FAT3: variants seen among roughly 807,000 people sequenced by gnomAD.
The protein encoded by FAT3 is protocadherin Fat 3.
In FAT3, 95 loss-of-function variants were observed where a neutral mutation model predicts 310.2. That is an observed-to-expected ratio of 0.31 (90% CI 0.26 to 0.36). The LOEUF is 0.36. Ranked by LOEUF, FAT3 falls within the 10% of genes least tolerant of loss-of-function variation. The pLI, the probability that FAT3 is intolerant of heterozygous loss-of-function variation, is 1.00. For missense variants in FAT3, 5,408 were observed against 5,715.6 expected, an observed-to-expected ratio of 0.95 and a Z score of 1.74; for synonymous variants, 2,314 against 2,192.9, an observed-to-expected ratio of 1.06 and a Z score of -1.54.
intron 7 of FAT3, among the ~76,000 whole-genome samples, chr11:92,776,581 T>C (rs577900245): frequency 7.5e-4 from 114 of 152,330 alleles, no homozygotes; most frequent in Non-Finnish European, 1.5e-3. Context: ...ACTTTGAATG[T>C]ACACACTCTT....
At chr11:92,287,042 A>C (rs750572638) in intron 1 of FAT3, among the ~76,000 whole-genome samples, 11 of 152,204 alleles carry the variant, frequency 7.2e-5, no homozygotes, top group Admixed American at 2.0e-4. Context: ...CCATTGCAGA[A>C]GCACTTTAAA....
At chr11:92,738,833 T>C (rs1378820634) in intron 4 of FAT3, among the ~76,000 whole-genome samples, 1 of 152,166 alleles carries the variant, frequency 6.6e-6, no homozygotes, top group Non-Finnish European at 1.5e-5. Flanking sequence ...TCTTCATCCA[T>C]TATCAAGTGG....
chr11:92,251,663 G>A (rs1477482533), intron 1 of FAT3, among the ~76,000 whole-genome samples: 6 of 152,098 alleles, frequency 3.9e-5, no homozygotes. Context: ...AGACCCATGA[G>A]TTATATTTTT....
At chr11:92,490,381 G>T (rs560590485) in intron 2 of FAT3, among the ~76,000 whole-genome samples, 29 of 152,214 alleles carry the variant, frequency 1.9e-4, no homozygotes, top group African/African-American at 6.7e-4. Flanking sequence ...AACTGGATTT[G>T]AGTCTCAACT....
chr11:92,558,400 T>TTGTGTG (rs1285090598), intron 3 of FAT3, among the ~76,000 whole-genome samples: 1 of 78,544 alleles, frequency 1.3e-5, no homozygotes, highest in East Asian at 6.1e-4. Context: ...CGTGTTGTGT[T>TTGTGTG]TATGTGTGTG....
At chr11:92,569,330 G>T (rs887640234) in intron 3 of FAT3, among the ~76,000 whole-genome samples, 1 of 152,188 alleles carries the variant, frequency 6.6e-6, no homozygotes, top group Non-Finnish European at 1.5e-5. Context: ...AAAGCCCTCA[G>T]AATATTCAGT....
intron 3 of FAT3, among the ~76,000 whole-genome samples, chr11:92,643,059 A>T (rs72958556): frequency 3.1e-4 from 47 of 152,312 alleles, no homozygotes; most frequent in Non-Finnish European, 5.4e-4. Flanking sequence ...ATTGCTACAC[A>T]ACACAGACAT....
At chr11:92,805,775 G>C (rs1260074873) in intron 11 of FAT3, among the ~76,000 whole-genome samples, 1 of 152,138 alleles carries the variant, frequency 6.6e-6, no homozygotes, top group Non-Finnish European at 1.5e-5. Context: ...TCCTTATGAA[G>C]TGGCCTTTCT....
At chr11:92,782,429 C>A (rs199967485) in intron 7 of FAT3, among the ~76,000 whole-genome samples, 15 of 152,112 alleles carry the variant, frequency 9.9e-5, no homozygotes, top group East Asian at 1.9e-4. Context: ...ATAAAAAAAA[C>A]CAGACAGGTA....
chr11:92,235,742 C>T (rs1280983030), intron 1 of FAT3, among the ~76,000 whole-genome samples: 2 of 152,184 alleles, frequency 1.3e-5, no homozygotes, highest in Non-Finnish European at 2.9e-5. Context: ...GAAAGATCCT[C>T]TAGGCATAAA....
chr11:92,806,207 A>T (rs958165143), intron 11 of FAT3, among the ~76,000 whole-genome samples, 155 bp from the exon 12 acceptor site: 1 of 152,228 alleles, frequency 6.6e-6, no homozygotes, highest in Non-Finnish European at 1.5e-5. Context: ...ACTGTGTTTC[A>T]TAATATATTG....
At chr11:92,565,275 T>G (rs1014877998) in intron 3 of FAT3, among the ~76,000 whole-genome samples, 5 of 151,436 alleles carry the variant, frequency 3.3e-5, no homozygotes, top group Admixed American at 6.6e-5. Flanking sequence ...GCAAATAAAC[T>G]AGAAAATCTA....
Position 92,524,741 on chromosome 11 carries a change from G to A in FAT3, c.3400G>A (p.Val1134Ile), listed in dbSNP as rs975782469. 1.2e-6 allele frequency: 2 copies of A among 1,613,668 alleles called. No individual in the cohort carries two copies. Among genetic ancestry groups the A allele is most frequent in the Non-Finnish European group, 1.7e-6 (2 of 1,179,830 alleles). ...TGTTCCACTCTACTCCACCATTGAGGTCTACATTGAAGTTGAAGATGTGAA... is the reference window on the plus strand; with the variant it reads ...TGTTCCACTCTACTCCACCATTGAGATCTACATTGAAGTTGAAGATGTGAA... ...GVVPLYSTIEVYIEVEDVNDN... is the reference protein window; with the variant it reads ...GVVPLYSTIEIYIEVEDVNDN... Residue 1134 changes from valine (V) to isoleucine (I), a missense_variant, in exon 3 of 28, where the codon GTC becomes ATC. By Grantham distance (29) the Val-to-Ile change is conservative. This residue lies in a region of FAT3 where 4,588 missense variants were observed against 4,809.8 expected (regional missense o/e 0.95). Transcript: ENST00000525166.
At chr11:92,375,092 G>T (rs1015097046) in intron 2 of FAT3, among the ~76,000 whole-genome samples, 2 of 152,054 alleles carry the variant, frequency 1.3e-5, no homozygotes, top group Non-Finnish European at 2.9e-5. Context: ...AATAATTAGA[G>T]TAATTTAATA....
Position 92,279,834 on chromosome 11 carries a change from G to A in FAT3, c.-18+54660G>A, listed in dbSNP as rs559533329. 7.2e-5 allele frequency among the ~76,000 whole-genome samples: 11 copies of A among 152,168 alleles called. No individual in the cohort carries two copies. The South Asian group carries it at 2.3e-3, about 32-fold the overall frequency. ...CCATTGACCAACCTCACAAAAAGGA[G>A]GTACTTTTTAAAATCCCCACTAAAA... is the stretch of plus-strand genomic sequence containing the variant. On this transcript the variant is annotated intron_variant, in intron 1 of 27. Coordinates refer to ENST00000525166, the MANE Select transcript of FAT3 (RefSeq NM_001367949.2).
Position 92,801,214 on chromosome 11 carries a change from C to T in FAT3, c.8201C>T (p.Pro2734Leu). ...GSTVDTLRIL[P>L]SQNVWFSTVN... The stretch of plus-strand genomic sequence containing the variant: ...ACAGTGGACACCCTGAGGATTTTGC[C>T]CAGTCAGAATGTCTGGTTCAGCACA... Residue 2734 changes from proline (P) to leucine (L), a missense_variant, in exon 10 of 28, where the codon CCC (proline) becomes CTC (leucine). Transcript: ENST00000525166. The T allele has an allele frequency of 6.2e-7, 1 of 1,613,762 alleles. No homozygotes were observed. The highest frequency in any genetic ancestry group is 8.5e-7 in the Non-Finnish European group (1 of 1,179,842).
intron 3 of FAT3, among the ~76,000 whole-genome samples, chr11:92,558,561 T>C (rs998757236): frequency 6.6e-6 from 1 of 152,174 alleles, no homozygotes; most frequent in Non-Finnish European, 1.5e-5. Context: ...TGAAGCAGGC[T>C]TAGCTCATCT....
intron 2 of FAT3, among the ~76,000 whole-genome samples, chr11:92,357,985 A>T (rs1290108440): frequency 6.8e-6 from 1 of 147,692 alleles, no homozygotes; most frequent in Non-Finnish European, 1.5e-5. Context: ...CTTGGTCAGT[A>T]TGGTGGAATT....
In FAT3 at chr11:92,354,777, G is replaced by A. The variant is rs780100565; in HGVS notation, c.2665G>A (p.Ala889Thr). The stretch of plus-strand genomic sequence containing the variant: ...TAGCTCAACTGGAATCGTTTATGTA[G>A]CCGACCAGTTGGACCGGGAATCCAA... ...INSSTGIVYV[A>T]DQLDRESKAN... The change falls in exon 2 of 28, where the codon GCC (alanine) becomes ACC (threonine). Residue 889 changes from alanine to threonine, a missense_variant. By Grantham distance (58) the Ala-to-Thr change is moderately conservative. Coordinates refer to ENST00000525166, the MANE Select transcript of FAT3 (RefSeq NM_001367949.2). 1 of 1,613,914 alleles carries A rather than the reference G, an allele frequency of 6.2e-7. No homozygotes were observed. Among genetic ancestry groups the A allele is most frequent in the South Asian group, 1.1e-5 (1 of 91,084 alleles).
Sources: gnomAD v4.1 joint callset for allele counts (sites outside exome capture counted in the v4.1 genomes callset) on GRCh38, gnomAD v4.1.1 for gene constraint, gnomAD v4.1.1 regional missense constraint, MANE v1.5 for transcripts, NCBI Gene and HGNC (gene_info 2026-07-23, HGNC 2026-07-21) for gene names.